Variants in SORCS1 observed in about 807,000 individuals in gnomAD.
The protein encoded by SORCS1 is VPS10 domain-containing receptor SorCS1.
In SORCS1, 60 loss-of-function variants were observed where a neutral mutation model predicts 146.1. The observed-to-expected ratio is 0.41, with a 90% CI of 0.33 to 0.51. SORCS1 has a LOEUF of 0.51. Ranked by LOEUF, SORCS1 falls within the 20% of genes least tolerant of loss-of-function variation. The pLI, the probability that SORCS1 is intolerant of heterozygous loss-of-function variation, is 0.21. For missense variants in SORCS1, 1,352 were observed against 1,487.6 expected (o/e 0.91, Z 1.50); for synonymous variants, 637 against 584.0 (o/e 1.09, Z -1.31).
chr10:106,695,082 T>C (rs2135706992), intron 9 of SORCS1, among the ~76,000 whole-genome samples: 1 of 152,260 alleles, frequency 6.6e-6, no homozygotes, highest in East Asian at 1.9e-4. Flanking sequence ...CCTGATGCAC[T>C]GCATGATGCA....
intron 2 of SORCS1, among the ~76,000 whole-genome samples, chr10:106,873,883 A>G (rs1196643139): frequency 6.6e-6 from 1 of 152,182 alleles, no homozygotes; most frequent in South Asian, 2.1e-4. Flanking sequence ...AGTCAGTGCC[A>G]GGGCTTGTCA....
intron 1 of SORCS1, among the ~76,000 whole-genome samples, chr10:107,143,650 C>T (rs567885071): frequency 6.6e-5 from 10 of 152,104 alleles, no homozygotes; most frequent in Non-Finnish European, 7.4e-5. Flanking sequence ...ATTACAGGCA[C>T]GCGCCACCAC....
chr10:106,740,549 C>T (rs535795740), intron 5 of SORCS1, among the ~76,000 whole-genome samples: 2 of 152,202 alleles, frequency 1.3e-5, no homozygotes, highest in East Asian at 3.9e-4. Flanking sequence ...ATAAACATGT[C>T]AGGTGATGCT....
At chr10:106,801,722 T>G (rs576645832) in intron 3 of SORCS1, among the ~76,000 whole-genome samples, 23 of 152,074 alleles carry the variant, frequency 1.5e-4, no homozygotes, top group South Asian at 1.0e-3. Flanking sequence ...ACTAGAGATG[T>G]GGTTTCACTG....
Position 106,829,642 on chromosome 10 carries a change from G to A in SORCS1, c.658C>T (p.Leu220=). The A allele has an allele frequency of 6.2e-7, 1 of 1,607,776 alleles. No individual in the cohort carries two copies. Among genetic ancestry groups the A allele is most frequent in the Non-Finnish European group, 8.5e-7 (1 of 1,175,100 alleles). The change falls in exon 3 of 26, where the codon CTG becomes TTG. Residue 220 remains leucine (L), a synonymous_variant. Coordinates refer to ENST00000263054, the MANE Select transcript of SORCS1 (RefSeq NM_052918.5). ...GTTTTCAAACCAACTTTATCATTCA[G>A]CTTCTCATAGGTTGTTCCATAATCG... is the stretch of plus-strand genomic sequence containing the variant. The part of the protein sequence containing the change: ...STDYGTTYEK[L]NDKVGLKTIL...
intron 2 of SORCS1, among the ~76,000 whole-genome samples, chr10:106,887,209 A>G (rs1174185401): frequency 1.3e-5 from 2 of 152,246 alleles, no homozygotes; most frequent in African/African-American, 4.8e-5. Flanking sequence ...AACATTCAAC[A>G]AATTGTTAAA....
intron 24 of SORCS1, among the ~76,000 whole-genome samples, chr10:106,585,054 A>C (rs1003272172): frequency 6.6e-6 from 1 of 151,894 alleles, no homozygotes; most frequent in Non-Finnish European, 1.5e-5. Context: ...TGAAAAAAAA[A>C]CATGTATAGT....
intron 9 of SORCS1, among the ~76,000 whole-genome samples, chr10:106,691,647 AG>A (rs2135675705): frequency 6.6e-6 from 1 of 152,224 alleles, no homozygotes; most frequent in South Asian, 2.1e-4. Context: ...TTGTTCACAA[AG>A]GCCACCCCCA....
chr10:106,586,871 G>A (rs1186264700), intron 24 of SORCS1, among the ~76,000 whole-genome samples: 2 of 152,158 alleles, frequency 1.3e-5, no homozygotes, highest in Non-Finnish European at 1.5e-5. Context: ...CAGACAGATC[G>A]CTTGAGCCCA....
chr10:107,093,792 T>C (rs1363376694), intron 1 of SORCS1, among the ~76,000 whole-genome samples: 2 of 152,120 alleles, frequency 1.3e-5, no homozygotes, highest in Non-Finnish European at 2.9e-5. Flanking sequence ...TGCCTATCAC[T>C]ACCTCTTCCA....
At chr10:106,992,826 C>CTTTTTTT (rs36052970) in intron 1 of SORCS1, among the ~76,000 whole-genome samples, 31 of 57,078 alleles carry the variant, frequency 5.4e-4, no homozygotes, top group East Asian at 1.4e-3. Flanking sequence ...TTCTTTCTTT[C>CTTTTTTT]TTTTTTTTTT....
intron 24 of SORCS1, among the ~76,000 whole-genome samples, chr10:106,595,268 A>G (rs1845838852): frequency 6.6e-6 from 1 of 152,184 alleles, no homozygotes; most frequent in Non-Finnish European, 1.5e-5. Flanking sequence ...TGTTGACAAC[A>G]TTGCTTGGCC....
At chr10:106,642,651 G>A (rs1033198026) in intron 18 of SORCS1, among the ~76,000 whole-genome samples, 1 of 152,136 alleles carries the variant, frequency 6.6e-6, no homozygotes, top group Non-Finnish European at 1.5e-5. Context: ...TTATACCCAA[G>A]CCTCTGAAGA....
intron 1 of SORCS1, among the ~76,000 whole-genome samples, chr10:107,081,300 A>T (rs2134240412): frequency 6.6e-6 from 1 of 152,324 alleles, no homozygotes; most frequent in South Asian, 2.1e-4. Flanking sequence ...CCCAAATAAA[A>T]TTATCTAATA....
chr10:106,873,313 C>CA (rs72466113), intron 2 of SORCS1, among the ~76,000 whole-genome samples: 5,636 of 129,792 alleles, frequency 0.043, 138 homozygotes, highest in Middle Eastern at 0.077. Context: ...AACTCGGTCT[C>CA]AAAAAAAAAA....
chr10:106,848,179 G>T (rs1200722280), intron 2 of SORCS1, among the ~76,000 whole-genome samples: 1 of 87,380 alleles, frequency 1.1e-5, no homozygotes, highest in Non-Finnish European at 2.4e-5. Flanking sequence ...AATGTTGACA[G>T]TGGGGTGTTA....
chr10:106,982,930 T>G (rs1956295847), intron 1 of SORCS1, among the ~76,000 whole-genome samples: 1 of 152,062 alleles, frequency 6.6e-6, no homozygotes, highest in Non-Finnish European at 1.5e-5. Flanking sequence ...ACCAGAGATC[T>G]TACTATATTC....
rs1852103271 is a variant in SORCS1 at position 106,677,301 on chromosome 10, A to T, written c.1832+12T>A. 2 of 1,612,958 alleles carry T rather than the reference A, an allele frequency of 1.2e-6. No homozygotes were observed. The highest frequency in any genetic ancestry group is 1.7e-6 in the Non-Finnish European group (2 of 1,178,984). On this transcript the variant is annotated intron_variant, in intron 13 of 25. Coordinates refer to ENST00000263054, the MANE Select transcript of SORCS1 (RefSeq NM_052918.5). ...ATCAGGTGCAGATTTCACAGGCAGC[A>T]TGTGCCCTTACCAAAGATGTCGAAT... is the stretch of plus-strand genomic sequence containing the variant.
At chr10:106,704,155 T>C (rs1447203768) in intron 8 of SORCS1, among the ~76,000 whole-genome samples, 2 of 152,188 alleles carry the variant, frequency 1.3e-5, no homozygotes, top group African/African-American at 4.8e-5. Context: ...TACAAACATT[T>C]CTTTGATTTT....
Sources: gnomAD v4.1 joint callset for allele counts (sites outside exome capture counted in the v4.1 genomes callset) on GRCh38, gnomAD v4.1.1 for gene constraint, MANE v1.5 for transcripts, NCBI Gene and HGNC (gene_info 2026-07-23, HGNC 2026-07-21) for gene names.